Variants in NUAK1 observed in about 807,000 individuals in gnomAD.
NUAK1 encodes the protein NUAK family kinase 1.
In NUAK1, 26 loss-of-function variants were observed where a neutral mutation model predicts 56.9. The observed-to-expected ratio is 0.46, with a 90% CI of 0.33 to 0.63. NUAK1 has a LOEUF of 0.63. Among genes scored for constraint, NUAK1 ranks in the 30% least tolerant of loss-of-function variants. NUAK1 has a pLI of 0.02. For synonymous variants in NUAK1, 337 were observed against 336.0 expected (o/e 1.00, Z -0.03); for missense variants, 727 against 876.1 (o/e 0.83, Z 2.15).
chr12:106,095,430 T>G (rs1019568106), intron 2 of NUAK1, among the ~76,000 whole-genome samples: 4 of 152,206 alleles, frequency 2.6e-5, no homozygotes, highest in Non-Finnish European at 5.9e-5. Flanking sequence ...CTCACCAAGG[T>G]GGAAAGGCCA....
At chr12:106,070,064 A>G (rs1292916059) in intron 6 of NUAK1, among the ~76,000 whole-genome samples, 1 of 152,174 alleles carries the variant, frequency 6.6e-6, no homozygotes, top group Non-Finnish European at 1.5e-5. Context: ...AATTTTAAAA[A>G]AAGAAAGAAA....
chr12:106,091,739 A>G (rs1244840568), intron 2 of NUAK1, among the ~76,000 whole-genome samples: 1 of 152,138 alleles, frequency 6.6e-6, no homozygotes, highest in Non-Finnish European at 1.5e-5. Flanking sequence ...CTGGGGCTCA[A>G]TTTTTTCCAG....
chr12:106,113,027 C>A (rs887509637), intron 1 of NUAK1, among the ~76,000 whole-genome samples: 1 of 152,176 alleles, frequency 6.6e-6, no homozygotes, highest in South Asian at 2.1e-4. Context: ...AAAAACAAAG[C>A]AGATTCGTGC....
rs1397815507 is a variant in NUAK1 at position 106,133,879 on chromosome 12, G to A, written c.240+4535C>T. Among the ~76,000 whole-genome samples the A allele has an allele frequency of 2.0e-5, 3 of 152,146 alleles. No individual in the cohort carries two copies. The East Asian group carries it at 5.8e-4, about 29-fold the overall frequency. On this transcript the variant is annotated intron_variant, in intron 1 of 6. Coordinates refer to ENST00000261402, the MANE Select transcript of NUAK1 (RefSeq NM_014840.3). Reference sequence around the variant, plus strand: ...TCTTTCACCAGGCTGGAAGCTCCCTGGGTCTTACTCATTTCTATGTCTCAG... The same window carrying A: ...TCTTTCACCAGGCTGGAAGCTCCCTAGGTCTTACTCATTTCTATGTCTCAG...
intron 2 of NUAK1, among the ~76,000 whole-genome samples, chr12:106,095,996 C>T (rs1264353565): frequency 6.6e-6 from 1 of 152,184 alleles, no homozygotes; most frequent in Non-Finnish European, 1.5e-5. Flanking sequence ...TCTGACCCCC[C>T]TTTCAATATC....
rs759076190 is a variant in NUAK1, at chr12:106,066,967, GA to G, written c.1820del (p.Phe607SerfsTer19). 5.0e-6 allele frequency: 8 copies of G among 1,614,114 alleles called. No individual in the cohort carries two copies. Among genetic ancestry groups the G allele is most frequent in the Non-Finnish European group, 5.9e-6 (7 of 1,180,054 alleles). Reference protein sequence around the residue: ...RIRSCVSAENFLQIQDFEGLQ... With the variant: ...RIRSCVSAENXLQIQDFEGLQ... The stretch of plus-strand genomic sequence containing the variant: ...GCCCCTCAAAGTCCTGGATCTGGAG[GA>G]AGTTTTCTGCAGAGACGCAGCTGCG... On this transcript the variant is annotated frameshift_variant, in exon 7 of 7. Coordinates refer to ENST00000261402, the MANE Select transcript of NUAK1 (RefSeq NM_014840.3). LOFTEE classifies it high-confidence loss of function.
chr12:106,138,840 G>A lies in NUAK1; in HGVS notation c.-187C>T, dbSNP rs1231507007. 1.1e-5 allele frequency: 8 copies of A among 742,322 alleles called. No individual in the cohort carries two copies. The highest frequency in any genetic ancestry group is 1.5e-5 in the Non-Finnish European group (8 of 529,524). 46.0% of individuals were successfully genotyped at this position (742,322 alleles called of 1,614,324 possible). ...GGCGGGGACTGCACATCTGGCGCCCGCGGCGCGCACGGTCCGCGCACCGCC... is the reference window on the plus strand; with the variant it reads ...GGCGGGGACTGCACATCTGGCGCCCACGGCGCGCACGGTCCGCGCACCGCC... On this transcript the variant is annotated 5_prime_UTR_variant, in exon 1 of 7. Transcript: ENST00000261402. This position sits in a 1 kb window ranked among gnomAD's most constrained non-coding sequence, Gnocchi z 5.0.
chr12:106,113,740 T>G lies in NUAK1; in HGVS notation c.241-7215A>C, dbSNP rs1394808258. Among the ~76,000 whole-genome samples the G allele has an allele frequency of 1.3e-5, 2 of 150,980 alleles. 1 individual carries two copies. The highest frequency in any genetic ancestry group is 2.9e-5 in the Non-Finnish European group (2 of 67,866). On this transcript the variant is annotated intron_variant, in intron 1 of 6. Coordinates refer to ENST00000261402, the MANE Select transcript of NUAK1 (RefSeq NM_014840.3). ...TACACAGAGGAATTAAACACAGGCT[T>G]CCTTGAGGGGGCTCAGTGACTTGAA... is the stretch of plus-strand genomic sequence containing the variant.
intron 2 of NUAK1, among the ~76,000 whole-genome samples, chr12:106,090,148 T>G (rs1195795861): frequency 6.6e-6 from 1 of 152,128 alleles, no homozygotes; most frequent in East Asian, 1.9e-4. Context: ...AATGAGATGA[T>G]ACCCGAGGGA....
intron 1 of NUAK1, among the ~76,000 whole-genome samples, chr12:106,120,908 C>A (rs1251609924): frequency 6.6e-6 from 1 of 152,190 alleles, no homozygotes; most frequent in Admixed American, 6.5e-5. Context: ...GACCCTTGAA[C>A]TTCTGCTGTC....
At chr12:106,118,698 T>A (rs543049789) in intron 1 of NUAK1, among the ~76,000 whole-genome samples, 33 of 152,242 alleles carry the variant, frequency 2.2e-4, no homozygotes, top group African/African-American at 8.0e-4. Flanking sequence ...CTTTCTGATG[T>A]ACTGTACACA....
In NUAK1 at chr12:106,065,324, C is replaced by G. The variant is rs2032324760; in HGVS notation, c.*1478G>C. 1 of 151,962 alleles carries G rather than the reference C, an allele frequency of 6.6e-6. No individual in the cohort carries two copies. The allele number at this position is 151,962 out of a possible 1,614,324, so 9.4% of individuals were successfully genotyped here. A position where few individuals can be genotyped will look rare whatever the true frequency, so the allele number is the denominator to read the frequency against. ...GTTTTGTTTTGTTTTGTTTTGTTTA[C>G]TTTTTAAGATAAGAGTCCTGCCGCA... is the stretch of plus-strand genomic sequence containing the variant. On this transcript the variant is annotated 3_prime_UTR_variant, in exon 7 of 7. Coordinates refer to ENST00000261402, the MANE Select transcript of NUAK1 (RefSeq NM_014840.3).
intron 1 of NUAK1, among the ~76,000 whole-genome samples, chr12:106,111,400 G>A (rs1057395747): frequency 1.3e-5 from 2 of 151,670 alleles, no homozygotes; most frequent in Non-Finnish European, 2.9e-5. Flanking sequence ...GAGGACGCCT[G>A]TGTAGTGTAG....
At chr12:106,106,319 G>T in intron 2 of NUAK1, 86 bp downstream of exon 2, 1 of 1,267,114 alleles carries the variant, frequency 7.9e-7, no homozygotes, top group Non-Finnish European at 1.1e-6. Context: ...CTGCCCAGAA[G>T]GGCAATTATC....
In NUAK1 at chr12:106,106,450, T is replaced by C. The variant is rs1389548100; in HGVS notation, c.316A>G (p.Ile106Val). The change falls in exon 2 of 7, where the codon ATC (isoleucine) becomes GTC (valine). Residue 106 changes from isoleucine to valine, a missense_variant. Physicochemically the swap from Ile to Val is conservative, Grantham distance 29. Coordinates refer to ENST00000261402, the MANE Select transcript of NUAK1 (RefSeq NM_014840.3). Reference sequence around the variant, plus strand: ...TGAGGATGGTTGAGAGATGACATGATCTCAATCTCTCGTCTGATGTGAACC... The same window carrying C: ...TGAGGATGGTTGAGAGATGACATGACCTCAATCTCTCGTCTGATGTGAACC... The part of the protein sequence containing the change: ...DMVHIRREIE[I>V]MSSLNHPHII... The C allele has an allele frequency of 8.1e-6, 13 of 1,612,684 alleles. No homozygotes were observed. The highest frequency in any genetic ancestry group is 1.1e-5 in the South Asian group (1 of 91,012).
chr12:106,106,378 G>T, intron 2 of NUAK1, 27 bp downstream of exon 2: 1 of 1,520,124 alleles, frequency 6.6e-7, no homozygotes, highest in Non-Finnish European at 8.8e-7. Context: ...ACTGATATGG[G>T]GGTTAAAAAA....
chr12:106,134,962 T>C (rs765810032), intron 1 of NUAK1, among the ~76,000 whole-genome samples: 2 of 152,168 alleles, frequency 1.3e-5, no homozygotes, highest in Non-Finnish European at 2.9e-5. Flanking sequence ...ATACAATGCA[T>C]TGTCTCTCTG....
intron 1 of NUAK1, among the ~76,000 whole-genome samples, chr12:106,133,800 T>C (rs2033103871): frequency 6.6e-6 from 1 of 152,228 alleles, no homozygotes; most frequent in Admixed American, 6.5e-5. Flanking sequence ...GAAAATCACC[T>C]GAAACAATCC....
chr12:106,098,266 T>C (rs1282430282), intron 2 of NUAK1, among the ~76,000 whole-genome samples: 1 of 152,168 alleles, frequency 6.6e-6, no homozygotes, highest in Non-Finnish European at 1.5e-5. Context: ...AGTGCACTCA[T>C]CCAAAGTGTC....
Sources: gnomAD v4.1 joint callset for allele counts (sites outside exome capture counted in the v4.1 genomes callset) on GRCh38, gnomAD v4.1.1 for gene constraint, Gnocchi (gnomAD v3.1) non-coding constraint, MANE v1.5 for transcripts, NCBI Gene and HGNC (gene_info 2026-07-23, HGNC 2026-07-21) for gene names.